Variants in DLGAP5 observed in about 807,000 individuals in gnomAD.
The protein encoded by DLGAP5 is DLG associated protein 5.
Under a neutral mutation model 99.6 loss-of-function variants are expected in DLGAP5, and 90 were observed. That is an observed-to-expected ratio of 0.90 (90% confidence interval 0.76 to 1.08). The LOEUF (loss-of-function observed/expected upper bound fraction) is 1.08. DLGAP5 is among the 50% of genes least tolerant of loss of function. The probability of loss-of-function intolerance (pLI) is 0.00; values close to 1 mark genes in which losing one functional copy is unlikely to be tolerated. For synonymous variants in DLGAP5, 311 were observed against 321.3 expected (o/e 0.97, Z 0.34); for missense variants, 1,036 against 983.5 (o/e 1.05, Z -0.71).
At position 55,177,287 on chromosome 14, in the gene DLGAP5, G is replaced by T; in HGVS notation, c.824C>A (p.Thr275Asn). The T allele has an allele frequency of 1.2e-6, 2 of 1,608,708 alleles. No individual in the cohort carries two copies. Among genetic ancestry groups the T allele is most frequent in the East Asian group, 2.2e-5 (1 of 44,642 alleles). ...DSEENTLNSQ[T>N]NATSGMNPDG... ...TGGATTCATTCCACTTGTTGCATTA[G>T]TTTGTGAATTCAAAGTATTTTCTTC... The change falls in exon 8 of 19, where the codon ACT (threonine) becomes AAT (asparagine). Residue 275 changes from threonine to asparagine, a missense_variant. Transcript: ENST00000247191.
intron 2 of DLGAP5, among the ~76,000 whole-genome samples, chr14:55,186,074 C>T (rs1328192842): frequency 6.6e-6 from 1 of 152,068 alleles, no homozygotes; most frequent in African/African-American, 2.4e-5. Flanking sequence ...AGTTTGAGAC[C>T]AGCCTGACCA....
chr14:55,188,957 T>C lies in DLGAP5; in HGVS notation c.223A>G (p.Thr75Ala), dbSNP rs765153942. ...ETSQGLVPEK[T>A]NVKPRAMKTI... Reference sequence around the variant, plus strand: ...CTTTACTTACTTGGCTTAACATTGGTCTTTTCTGGAACAAGCCCTTGAGAT... The same window carrying C: ...CTTTACTTACTTGGCTTAACATTGGCCTTTTCTGGAACAAGCCCTTGAGAT... The change falls in exon 2 of 19, where the codon ACC becomes GCC. Residue 75 changes from threonine (T) to alanine (A), a missense_variant. Physicochemically the swap from Thr to Ala is moderately conservative, Grantham distance 58 (BLOSUM62 0). Coordinates refer to ENST00000247191, the MANE Select transcript of DLGAP5 (RefSeq NM_014750.5). 3 of 1,612,974 alleles carry C rather than the reference T, an allele frequency of 1.9e-6. No homozygotes were observed. The highest frequency in any genetic ancestry group is 2.5e-6 in the Non-Finnish European group (3 of 1,179,718).
At chr14:55,175,187 A>G (rs1386873260) in intron 10 of DLGAP5, among the ~76,000 whole-genome samples, 159 bp downstream of exon 10, 1 of 152,210 alleles carries the variant, frequency 6.6e-6, no homozygotes, top group African/African-American at 2.4e-5. Context: ...TAGGAACCAC[A>G]TGAATGTACT....
chr14:55,154,782 G>A lies in DLGAP5; in HGVS notation c.1898C>T (p.Pro633Leu), dbSNP rs942906463. The A allele has an allele frequency of 6.2e-7, 1 of 1,614,080 alleles. No homozygotes were observed. The highest frequency in any genetic ancestry group is 1.1e-5 in the South Asian group (1 of 91,080). The change falls in exon 15 of 19, where the codon CCT (proline) becomes CTT (leucine). Residue 633 changes from proline to leucine, a missense_variant. Physicochemically the swap from Pro to Leu is moderately conservative, Grantham distance 98 (BLOSUM62 -3). Transcript: ENST00000247191. ...FSGLSVSSEGPSQRLGTPKSV... is the reference protein window; with the variant it reads ...FSGLSVSSEGLSQRLGTPKSV... ...CTTAGGTGTTCCAAGTCTTTGAGAAGGGCCTTCAGAAGAGACAGAAAGTCC... is the reference window on the plus strand; with the variant it reads ...CTTAGGTGTTCCAAGTCTTTGAGAAAGGCCTTCAGAAGAGACAGAAAGTCC...
Position 55,151,763 on chromosome 14 carries a change from C to T in DLGAP5, c.2300G>A (p.Ser767Asn), listed in dbSNP as rs749828854. Reference sequence around the variant, plus strand: ...TTGTGAAGCTGTATTTTTTTCAGGGCTACTCATCAAAACATCCTGTGATGT... The same window carrying T: ...TTGTGAAGCTGTATTTTTTTCAGGGTTACTCATCAAAACATCCTGTGATGT... The part of the protein sequence containing the change: ...SITSQDVLMS[S>N]PEKNTASQNS... The change falls in exon 17 of 19, where the codon AGC (serine) becomes AAC (asparagine). Residue 767 changes from serine to asparagine, a missense_variant. Transcript: ENST00000247191. The T allele has an allele frequency of 1.4e-5, 23 of 1,613,650 alleles. No homozygotes were observed. Among genetic ancestry groups the T allele is most frequent in the Non-Finnish European group, 1.8e-5 (21 of 1,179,896 alleles).
At chr14:55,186,025 C>T (rs185413097) in intron 2 of DLGAP5, among the ~76,000 whole-genome samples, 10 of 152,296 alleles carry the variant, frequency 6.6e-5, no homozygotes, top group Middle Eastern at 6.8e-3. Context: ...ACTCCTAGCA[C>T]TTTGGGAGAC....
intron 14 of DLGAP5, among the ~76,000 whole-genome samples, chr14:55,155,948 G>A (rs764012289): frequency 2.0e-5 from 3 of 151,756 alleles, no homozygotes; most frequent in Admixed American, 1.3e-4. Context: ...AAAATCAGCC[G>A]GGTGTGGTGG....
At chr14:55,190,424 A>C (rs187217419) in intron 1 of DLGAP5, among the ~76,000 whole-genome samples, 1 of 152,326 alleles carries the variant, frequency 6.6e-6, no homozygotes. Flanking sequence ...CAGTAGATCC[A>C]ACTAGGGAGA....
chr14:55,162,977 G>A lies in DLGAP5; in HGVS notation c.1647C>T (p.Val549=), dbSNP rs755901847. 6 of 1,546,102 alleles carry A rather than the reference G, an allele frequency of 3.9e-6. No homozygotes were observed. The highest frequency in any genetic ancestry group is 5.2e-6 in the Non-Finnish European group (6 of 1,145,714). The part of the protein sequence containing the change: ...NNMNHNMNKN[V]FRKKVVSGIA... ...ATAAAACCCACAAACTTACCCTAAA[G>A]ACATTTTTGTTCATATTATGATTCA... The change falls in exon 13 of 19, where the codon GTC becomes GTT. Residue 549 remains valine, a synonymous_variant. Coordinates refer to ENST00000247191, the MANE Select transcript of DLGAP5 (RefSeq NM_014750.5).
chr14:55,158,095 G>A (rs772138955), intron 14 of DLGAP5, among the ~76,000 whole-genome samples: 5 of 152,204 alleles, frequency 3.3e-5, no homozygotes, highest in African/African-American at 4.8e-5. Context: ...AGCTAGACAA[G>A]TGTGATAGCT....
chr14:55,152,555 A>T, intron 16 of DLGAP5, 35 bp downstream of exon 16: 1 of 1,524,086 alleles, frequency 6.6e-7, no homozygotes, highest in Non-Finnish European at 8.9e-7. Context: ...CATATGACAT[A>T]CTGGGCTATC....
chr14:55,167,172 T>C (rs1185627501), intron 12 of DLGAP5, among the ~76,000 whole-genome samples: 1 of 150,140 alleles, frequency 6.7e-6, no homozygotes, highest in African/African-American at 2.5e-5. Flanking sequence ...GAGAATCGCT[T>C]GAACCCAGGA....
chr14:55,166,353 G>A (rs1315803098), intron 12 of DLGAP5, among the ~76,000 whole-genome samples: 1 of 152,212 alleles, frequency 6.6e-6, no homozygotes, highest in Non-Finnish European at 1.5e-5. Flanking sequence ...TACAGAGACA[G>A]TAAGTAGATT....
chr14:55,155,892 TC>T (rs1216044160), intron 14 of DLGAP5, among the ~76,000 whole-genome samples: 1 of 151,266 alleles, frequency 6.6e-6, no homozygotes, highest in East Asian at 2.0e-4. Context: ...ATCGAGACCA[TC>T]CTGGCTAACA....
In DLGAP5 at chr14:55,151,816, CACA is replaced by C. The variant is rs748213680; in HGVS notation, c.2244_2246del (p.Val749del). The C allele has an allele frequency of 3.7e-6, 6 of 1,613,932 alleles. No homozygotes were observed. Among genetic ancestry groups the C allele is most frequent in the East Asian group, 4.5e-5 (2 of 44,822 alleles). On this transcript the variant is annotated inframe_deletion, in exon 17 of 19. Transcript: ENST00000247191. ...TTGAAGAATTCAGTTCCATTCCTTC[CACA>C]ACATCTGAAATTCCTTCTTTTTTGT...
intron 7 of DLGAP5, 78 bp downstream of exon 7, chr14:55,179,551 T>A: frequency 8.0e-7 from 1 of 1,249,936 alleles, no homozygotes; most frequent in East Asian, 2.4e-5. Context: ...AGCAGTTCTT[T>A]ATGTTTAATT....
intron 1 of DLGAP5, among the ~76,000 whole-genome samples, chr14:55,189,688 A>T (rs1317287812): frequency 6.6e-6 from 1 of 152,228 alleles, no homozygotes; most frequent in Non-Finnish European, 1.5e-5. Flanking sequence ...GGCACAGGGC[A>T]AAGTATGTGG....
intron 1 of DLGAP5, among the ~76,000 whole-genome samples, chr14:55,190,286 CCATACACACACACACACA>C (rs1223599573): frequency 3.8e-5 from 4 of 105,430 alleles, no homozygotes; most frequent in African/African-American, 3.8e-4. Flanking sequence ...AAAAGAAAAG[CCATACACACACACACACA>C]CACACACACA....
At position 55,158,484 on chromosome 14, in the gene DLGAP5, G is replaced by A. The variant is rs2140308345; in HGVS notation, c.1873+38C>T. 7.0e-6 allele frequency: 11 copies of A among 1,577,890 alleles called. No individual in the cohort carries two copies. In the Middle Eastern group the frequency reaches 5.8e-4, roughly 83 times the overall value. ...CAAATATTTCTCTTAAGTAGTCTCAGGAAAAACAAAAAAAATAAAAAATCA... is the reference window on the plus strand; with the variant it reads ...CAAATATTTCTCTTAAGTAGTCTCAAGAAAAACAAAAAAAATAAAAAATCA... On this transcript the variant is annotated intron_variant, in intron 14 of 18. Transcript: ENST00000247191.
Sources: allele counts gnomAD v4.1 joint callset (sites outside exome capture counted in the v4.1 genomes callset), GRCh38; gene constraint gnomAD v4.1.1; transcripts MANE v1.5; gene names NCBI Gene and HGNC (gene_info 2026-07-23, HGNC 2026-07-21).